RYR1: variants seen among roughly 807,000 people sequenced by gnomAD.
RYR1 encodes the protein central core disease of muscle.
In RYR1, 342 loss-of-function variants were observed where a neutral mutation model predicts 583.5. The ratio of observed to expected loss-of-function variants is 0.59; its 90% CI spans 0.54 to 0.64. The LOEUF (loss-of-function observed/expected upper bound fraction) is 0.64, where lower values mean the gene tolerates loss of function less well. RYR1 is among the 30% of genes least tolerant of loss of function. The pLI is 0.00. For synonymous variants in RYR1, 2,791 were observed against 2,822.5 expected (o/e 0.99, Z 0.35); for missense variants, 6,032 against 6,917.2 (o/e 0.87, Z 4.54).
intron 34 of RYR1, among the ~76,000 whole-genome samples, chr19:38,486,618 GGCGTGA>G (rs1969312479): frequency 6.6e-6 from 1 of 152,108 alleles, no homozygotes; most frequent in Admixed American, 6.5e-5. Flanking sequence ...TGGGATTACA[GGCGTGA>G]GCCACCGCGT....
intron 34 of RYR1, among the ~76,000 whole-genome samples, chr19:38,488,859 G>T (rs372509034): frequency 6.6e-6 from 1 of 152,212 alleles, no homozygotes; most frequent in African/African-American, 2.4e-5. Flanking sequence ...CTATGCAGGC[G>T]TAGGGTGTGT....
At position 38,440,843 on chromosome 19, in the gene RYR1, G is replaced by A; in HGVS notation, c.144G>A (p.Leu48=). 6.2e-7 allele frequency: 1 copy of A among 1,611,848 alleles called. No homozygotes were observed. The highest frequency in any genetic ancestry group is 8.5e-7 in the Non-Finnish European group (1 of 1,179,622). Residue 48 remains leucine (L), a synonymous_variant, in exon 2 of 106, where the codon CTG becomes CTA. Transcript: ENST00000359596. The part of the protein sequence containing the change: ...AEGFGNRLCF[L]EPTSNAQNVP... Reference sequence around the variant, plus strand: ...GCTTCGGCAACCGCCTGTGCTTCCTGGAGCCCACTAGCAACGCGCAGGTCT... The same window carrying A: ...GCTTCGGCAACCGCCTGTGCTTCCTAGAGCCCACTAGCAACGCGCAGGTCT...
At chr19:38,523,870 G>C (rs1365243005) in intron 69 of RYR1, 45 bp from the exon 70 acceptor site, 2 of 1,613,952 alleles carry the variant, frequency 1.2e-6, no homozygotes, top group African/African-American at 1.3e-5. Context: ...TCTCTGCGGG[G>C]CTGGGGTAAC....
At position 38,543,880 on chromosome 19, in the gene RYR1, G is replaced by C. The variant is rs1267850474; in HGVS notation, c.12012+5G>C. 2 of 1,612,028 alleles carry C rather than the reference G, an allele frequency of 1.2e-6. No individual in the cohort carries two copies. The highest frequency in any genetic ancestry group is 2.2e-5 in the East Asian group (1 of 44,862). ...ATGATGATGAAGCTCGCTCAGGTTC[G>C]AGCCCCTCTGGTCTCCATCCACCTG... On this transcript the variant is annotated splice_donor_5th_base_variant and intron_variant, in intron 87 of 105. Coordinates refer to ENST00000359596, the MANE Select transcript of RYR1 (RefSeq NM_000540.3). This position sits in a 1 kb window ranked among gnomAD's most constrained non-coding sequence, Gnocchi z 4.4.
intron 29 of RYR1, among the ~76,000 whole-genome samples, chr19:38,475,788 A>G (rs1968691525): frequency 6.6e-6 from 1 of 152,198 alleles, no homozygotes; most frequent in Admixed American, 6.5e-5. Flanking sequence ...TCAATGTAAT[A>G]CCTACTCTAA....
chr19:38,483,551 G>T lies in RYR1; in HGVS notation c.4934+35G>T. 1 of 1,524,080 alleles carries T rather than the reference G, an allele frequency of 6.6e-7. No individual in the cohort carries two copies. Among genetic ancestry groups the T allele is most frequent in the Non-Finnish European group, 8.8e-7 (1 of 1,135,456 alleles). The allele number at this position is 1,524,080 out of a possible 1,614,324, so 94.4% of individuals were successfully genotyped here. On this transcript the variant is annotated intron_variant, in intron 33 of 105. Coordinates refer to ENST00000359596, the MANE Select transcript of RYR1 (RefSeq NM_000540.3). The surrounding 1 kb of genome is among the most constrained non-coding windows in gnomAD (Gnocchi z 6.3). ...AGCCCAGCTATGCAGGGGTGGGCAG[G>T]TGTTGCAAGCCCTCTGGGGTCTGGG...
Position 38,494,461 on chromosome 19 carries a change from C to G in RYR1, c.6384C>G (p.Tyr2128Ter). ...RAMFSLLHRQ[Y>*]DGLGELLRAL... is the part of the protein sequence containing the mutation. The stretch of plus-strand genomic sequence containing the variant: ...TGTTCAGCCTCCTGCACCGGCAGTA[C>G]GACGGGCTGGGTGAGCTGCTGCGTG... Residue 2128 changes from tyrosine (Y) to a stop codon, truncating the protein, a stop_gained, in exon 39 of 106, where the codon TAC becomes TAG. Coordinates refer to ENST00000359596, the MANE Select transcript of RYR1 (RefSeq NM_000540.3). LOFTEE classifies it high-confidence loss of function. 2 of 1,612,804 alleles carry G rather than the reference C, an allele frequency of 1.2e-6. No homozygotes were observed. The highest frequency in any genetic ancestry group is 1.9e-4 in the Middle Eastern group (1 of 5,214).
chr19:38,482,003 G>A (rs1239034061), intron 31 of RYR1, among the ~76,000 whole-genome samples: 1 of 151,952 alleles, frequency 6.6e-6, no homozygotes, highest in Non-Finnish European at 1.5e-5. Context: ...CAGGAGAATC[G>A]CTTGAACGTG....
At chr19:38,448,610 C>T (rs770993719) in intron 10 of RYR1, 39 bp from the exon 11 acceptor site, 4 of 1,614,180 alleles carry the variant, frequency 2.5e-6, no homozygotes, top group Non-Finnish European at 3.4e-6. Flanking sequence ...GCTAAACACA[C>T]AGGCAGAGGA....
chr19:38,493,461 G>T (rs1313505361), intron 38 of RYR1, among the ~76,000 whole-genome samples: 2 of 152,014 alleles, frequency 1.3e-5, no homozygotes, highest in African/African-American at 4.8e-5. Flanking sequence ...ATACAGCCGA[G>T]GGGGGAAAGT....
Position 38,561,055 on chromosome 19 carries a change from AAAG to A in RYR1, c.12283-56_12283-54del, listed in dbSNP as rs1383873515. On this transcript the variant is annotated intron_variant, in intron 89 of 105. Transcript: ENST00000359596. The surrounding 1 kb of genome is among the most constrained non-coding windows in gnomAD (Gnocchi z 4.8). ...GACCTTGTCTTAAAAAAAAAAAAAA[AAAG>A]AGAGAGAATTGAGGCTCTCCAGGTC... 43 of 1,452,096 alleles carry A rather than the reference AAAG, an allele frequency of 3.0e-5. No homozygotes were observed. Among genetic ancestry groups the A allele is most frequent in the Admixed American group, 4.2e-5 (2 of 47,310 alleles). 90.0% of individuals were successfully genotyped at this position (1,452,096 alleles called of 1,614,324 possible).
At chr19:38,473,295 C>T in intron 27 of RYR1, 82 bp from the exon 28 acceptor site, 1 of 1,538,678 alleles carries the variant, frequency 6.5e-7, no homozygotes, top group Non-Finnish European at 9.0e-7. Context: ...CTAATGGTGG[C>T]TCCGTGTGTG....
chr19:38,533,622 T>A (rs554702852), intron 78 of RYR1, among the ~76,000 whole-genome samples: 2 of 152,068 alleles, frequency 1.3e-5, no homozygotes, highest in East Asian at 3.9e-4. Flanking sequence ...TGAAACCCCA[T>A]CTCTACTAAA....
intron 3 of RYR1, among the ~76,000 whole-genome samples, 193 bp downstream of exon 3, chr19:38,442,646 C>T (rs2015717267): frequency 6.6e-6 from 1 of 152,122 alleles, no homozygotes; most frequent in South Asian, 2.1e-4. Flanking sequence ...TTGGATGTCA[C>T]CTGTCCTTCC....
intron 38 of RYR1, 105 bp downstream of exon 38, chr19:38,492,741 G>A (rs1182031849): frequency 1.6e-6 from 2 of 1,220,710 alleles, no homozygotes; most frequent in East Asian, 2.6e-5. Flanking sequence ...TGCAAGGGAG[G>A]GGTAGATAGG....
chr19:38,578,202 A>G lies in RYR1; in HGVS notation c.14362A>G (p.Asn4788Asp). 6.2e-7 allele frequency: 1 copy of G among 1,613,482 alleles called. No homozygotes were observed. The highest frequency in any genetic ancestry group is 8.5e-7 in the Non-Finnish European group (1 of 1,179,788). Reference sequence around the variant, plus strand: ...GAAGTTCGGGGTCATCTTCACAGACAACGTGAGCAGGGGCCCACAGACTGG... The same window carrying G: ...GAAGTTCGGGGTCATCTTCACAGACGACGTGAGCAGGGGCCCACAGACTGG... ...IWKFGVIFTD[N>D]SFLYLGWYMV... The change falls in exon 99 of 106, where the codon AAC becomes GAC. Residue 4788 changes from asparagine to aspartate, a missense_variant and splice_region_variant. By Grantham distance (23) the Asn-to-Asp change is conservative. Coordinates refer to ENST00000359596, the MANE Select transcript of RYR1 (RefSeq NM_000540.3).
chr19:38,462,610 C>T (rs939196524), intron 20 of RYR1, among the ~76,000 whole-genome samples: 4 of 152,192 alleles, frequency 2.6e-5, no homozygotes, highest in African/African-American at 7.2e-5. Context: ...TGCCAGGCAT[C>T]GATATTAACT....
At chr19:38,530,349 C>T (rs528191275) in intron 76 of RYR1, among the ~76,000 whole-genome samples, 1 of 151,996 alleles carries the variant, frequency 6.6e-6, no homozygotes, top group South Asian at 2.1e-4. Context: ...CCCCACTCCA[C>T]ATCACCCCAG....
At chr19:38,567,505 C>G (rs1376329952) in intron 92 of RYR1, among the ~76,000 whole-genome samples, 1 of 152,118 alleles carries the variant, frequency 6.6e-6, no homozygotes, top group Non-Finnish European at 1.5e-5. Context: ...GGTGTCTCCT[C>G]CAGATTCCCA....
Sources: gnomAD v4.1 joint callset for allele counts (sites outside exome capture counted in the v4.1 genomes callset) on GRCh38, gnomAD v4.1.1 for gene constraint, Gnocchi (gnomAD v3.1) non-coding constraint, MANE v1.5 for transcripts, NCBI Gene and HGNC (gene_info 2026-07-23, HGNC 2026-07-21) for gene names.